The following SIK3 variants were observed in gnomAD, a reference collection of about 807,000 sequenced individuals.
SIK3 encodes the protein SIK family kinase 3, also known as serine/threonine-protein kinase SIK3.
A neutral mutation model predicts 144.2 loss-of-function variants in SIK3; 28 were observed. The observed-to-expected ratio is 0.19, with a 90% CI of 0.14 to 0.27. The LOEUF (loss-of-function observed/expected upper bound fraction) is 0.27. Ranked by LOEUF, SIK3 falls within the 10% of genes least tolerant of loss-of-function variation. The pLI is 1.00. For missense variants in SIK3, 1,319 were observed against 1,776.0 expected (o/e 0.74, Z 4.62); for synonymous variants, 686 against 676.3 (o/e 1.01, Z -0.22).
At chr11:117,014,677 T>C (rs1328321148) in intron 1 of SIK3, among the ~76,000 whole-genome samples, 1 of 152,226 alleles carries the variant, frequency 6.6e-6, no homozygotes, top group Admixed American at 6.5e-5. Flanking sequence ...ATTCAAGGCA[T>C]ACACCATGAT....
chr11:117,005,069 C>A (rs1160610408), intron 1 of SIK3, among the ~76,000 whole-genome samples: 1 of 152,108 alleles, frequency 6.6e-6, no homozygotes, highest in Non-Finnish European at 1.5e-5. Flanking sequence ...GTTTTTCCTA[C>A]TATATCATTG....
Position 116,919,668 on chromosome 11 carries a change from C to T in SIK3, c.616+7551G>A, listed in dbSNP as rs142786003. Among the ~76,000 whole-genome samples, 301 of 152,298 alleles carry T rather than the reference C, an allele frequency of 2.0e-3. 3 individuals carry two copies. The highest frequency in any genetic ancestry group is 6.7e-3 in the African/African-American group (280 of 41,566). ...ATCTATTTTAAATATAGACACCTTG[C>T]TACTTAATCTTTGGGGACAAGGACA... On this transcript the variant is annotated intron_variant, in intron 4 of 24. Transcript: ENST00000445177.
intron 4 of SIK3, among the ~76,000 whole-genome samples, chr11:116,923,196 A>C (rs532353915): frequency 6.6e-6 from 1 of 152,280 alleles, no homozygotes; most frequent in Admixed American, 6.5e-5. Flanking sequence ...GATTACAGGC[A>C]TGAGCCACTG....
At chr11:117,090,346 A>G (rs1221692023) in intron 1 of SIK3, among the ~76,000 whole-genome samples, 1 of 151,960 alleles carries the variant, frequency 6.6e-6, no homozygotes, top group Non-Finnish European at 1.5e-5. Context: ...AACTAGAACT[A>G]TATTAAGAAG....
chr11:117,038,905 C>T (rs1231731813), intron 1 of SIK3, among the ~76,000 whole-genome samples: 2 of 151,790 alleles, frequency 1.3e-5, no homozygotes, highest in Non-Finnish European at 2.9e-5. Flanking sequence ...CAAAAATTAG[C>T]CAGGCATGGT....
At chr11:116,901,946 C>T (rs1945759510) in intron 4 of SIK3, among the ~76,000 whole-genome samples, 1 of 152,148 alleles carries the variant, frequency 6.6e-6, no homozygotes, top group Non-Finnish European at 1.5e-5. Context: ...GCAAAGTTGA[C>T]GTCTCTGGGA....
intron 6 of SIK3, among the ~76,000 whole-genome samples, chr11:116,895,283 G>A (rs1945337195): frequency 6.6e-6 from 1 of 152,136 alleles, no homozygotes; most frequent in Non-Finnish European, 1.5e-5. Flanking sequence ...TCCCCGGACT[G>A]CACAGCATTC....
chr11:117,061,361 TA>T (rs1953787222), intron 1 of SIK3, among the ~76,000 whole-genome samples: 1 of 152,082 alleles, frequency 6.6e-6, no homozygotes, highest in Non-Finnish European at 1.5e-5. Context: ...ACGCATGTGG[TA>T]AAGCAATATA....
chr11:116,921,004 A>T (rs1302844945), intron 4 of SIK3, among the ~76,000 whole-genome samples: 1 of 152,212 alleles, frequency 6.6e-6, no homozygotes, highest in Non-Finnish European at 1.5e-5. Flanking sequence ...GGATACTATC[A>T]TCCAGCGATG....
chr11:116,903,006 T>C (rs1263477104), intron 4 of SIK3, among the ~76,000 whole-genome samples: 1 of 152,258 alleles, frequency 6.6e-6, no homozygotes, highest in East Asian at 1.9e-4. Flanking sequence ...TTCACATTAA[T>C]CTTCACTATT....
rs182298276 is a variant in SIK3 at position 116,933,564 on chromosome 11, C to T, written c.455-6184G>A. Among the ~76,000 whole-genome samples, 1,195 of 152,296 alleles carry T rather than the reference C, an allele frequency of 7.8e-3. 6 individuals are homozygous for T. The highest frequency in any genetic ancestry group is 0.014 in the Middle Eastern group (4 of 292). ...TTCTTAGCTATTACAAAGAAAGCTG[C>T]TATCAACAATTAAACAATTGTGTAT... is the stretch of plus-strand genomic sequence containing the variant. On this transcript the variant is annotated intron_variant, in intron 3 of 24. Coordinates refer to ENST00000445177, the MANE Select transcript of SIK3 (RefSeq NM_001366686.3).
chr11:116,952,238 C>T (rs189183502), intron 3 of SIK3, among the ~76,000 whole-genome samples: 305 of 152,024 alleles, frequency 2.0e-3, no homozygotes, highest in Non-Finnish European at 3.6e-3. Flanking sequence ...CCCGTCTCTA[C>T]TAAAAATTTA....
intron 13 of SIK3, among the ~76,000 whole-genome samples, chr11:116,871,429 C>T (rs921130702): frequency 2.6e-5 from 4 of 152,166 alleles, no homozygotes; most frequent in Admixed American, 1.3e-4. Flanking sequence ...AGGAGAGGAA[C>T]GCTGTGGCCA....
intron 1 of SIK3, among the ~76,000 whole-genome samples, chr11:117,063,030 T>C (rs1405835930): frequency 6.6e-6 from 1 of 152,260 alleles, no homozygotes; most frequent in Non-Finnish European, 1.5e-5. Flanking sequence ...ACTGGTTTCC[T>C]ATAATGTTGC....
At position 116,875,234 on chromosome 11, in the gene SIK3, C is replaced by T; in HGVS notation, c.1351G>A (p.Gly451Ser). 1 of 1,614,164 alleles carries T rather than the reference C, an allele frequency of 6.2e-7. No individual in the cohort carries two copies. Among genetic ancestry groups the T allele is most frequent in the Non-Finnish European group, 8.5e-7 (1 of 1,180,020 alleles). ...AATGCTTCAGGGGAAGGCTCTTCAC[C>T]CTCATCACTGTCCAAATTCAGTGTC... ...DGTLNLDSDE[G>S]EEPSPEALVR... is the part of the protein sequence containing the mutation. Residue 451 changes from glycine (G) to serine (S), a missense_variant, in exon 11 of 25, where the codon GGT (glycine) becomes AGT (serine). By Grantham distance (56) the Gly-to-Ser change is moderately conservative (BLOSUM62 0). Coordinates refer to ENST00000445177, the MANE Select transcript of SIK3 (RefSeq NM_001366686.3).
chr11:117,046,834 C>T (rs561773260), intron 1 of SIK3, among the ~76,000 whole-genome samples: 2 of 152,218 alleles, frequency 1.3e-5, no homozygotes, highest in Admixed American at 1.3e-4. Context: ...GAGCCAAAAT[C>T]GCACCACTGC....
chr11:117,057,209 A>C (rs556566396), intron 1 of SIK3, among the ~76,000 whole-genome samples: 282 of 152,340 alleles, frequency 1.9e-3, no homozygotes, highest in African/African-American at 6.4e-3. Flanking sequence ...AGAAGATTTA[A>C]CTACTAGCAG....
At chr11:116,951,002 G>A (rs755723435) in intron 3 of SIK3, among the ~76,000 whole-genome samples, 2 of 152,182 alleles carry the variant, frequency 1.3e-5, no homozygotes, top group Non-Finnish European at 2.9e-5. Context: ...CTCACACCTT[G>A]ACGGCAGAAG....
At chr11:116,949,171 A>C (rs1449385199) in intron 3 of SIK3, among the ~76,000 whole-genome samples, 2 of 152,196 alleles carry the variant, frequency 1.3e-5, no homozygotes, top group African/African-American at 4.8e-5. Flanking sequence ...CAATAACCTA[A>C]GGAGCTATGA....
Sources: allele counts gnomAD v4.1 joint callset (sites outside exome capture counted in the v4.1 genomes callset), GRCh38; gene constraint gnomAD v4.1.1; transcripts MANE v1.5; gene names NCBI Gene and HGNC (gene_info 2026-07-23, HGNC 2026-07-21).